CYP3A4: variants seen among roughly 807,000 people sequenced by gnomAD.
CYP3A4 encodes the protein cytochrome P450 family 3 subfamily A member 4.
In CYP3A4, 41 loss-of-function variants were observed where a neutral mutation model predicts 54.9. The observed-to-expected ratio is 0.75, with a 90% CI of 0.58 to 0.97. The LOEUF (loss-of-function observed/expected upper bound fraction) is 0.97, where lower values mean the gene tolerates loss of function less well. Ranked by LOEUF, CYP3A4 falls within the 50% of genes least tolerant of loss-of-function variation. CYP3A4 has a pLI of 0.00. For synonymous variants in CYP3A4, 179 were observed against 205.2 expected (o/e 0.87, Z 1.09); for missense variants, 510 against 597.3 (o/e 0.85, Z 1.52).
In CYP3A4 at chr7:99,784,054, C is replaced by G. The variant is rs1170926977; in HGVS notation, c.28G>C (p.Glu10Gln). ...CTGACAGCCAGGAGAAGCCAGGTTT[C>G]CATGGCCAAGTCTGGGATGAGAGCC... MALIPDLAM[E>Q]TWLLLAVSLV... is the part of the protein sequence containing the mutation. The change falls in exon 1 of 13, where the codon GAA becomes CAA. Residue 10 changes from glutamate to glutamine, a missense_variant. Around this residue, in one of 2 missense-constraint regions of CYP3A4, gnomAD observed 272 missense variants for 274.9 expected, o/e 0.99. Transcript: ENST00000651514. The G allele has an allele frequency of 6.2e-7, 1 of 1,614,064 alleles. No homozygotes were observed. The highest frequency in any genetic ancestry group is 8.5e-7 in the Non-Finnish European group (1 of 1,179,944).
chr7:99,758,586 T>G (rs182399898), intron 12 of CYP3A4, among the ~76,000 whole-genome samples: 33 of 152,316 alleles, frequency 2.2e-4, no homozygotes, highest in Admixed American at 2.0e-3. Flanking sequence ...GATTTAAATT[T>G]TAAGTAAAAT....
At chr7:99,782,908 G>T (rs905681988) in intron 1 of CYP3A4, among the ~76,000 whole-genome samples, 4 of 152,048 alleles carry the variant, frequency 2.6e-5, no homozygotes, top group Non-Finnish European at 2.9e-5. Flanking sequence ...ACATGATTCT[G>T]GAAAGGTGAG....
Position 99,780,240 on chromosome 7 carries a change from T to G in CYP3A4, c.72-155A>C, listed in dbSNP as rs562109979. Reference sequence around the variant, plus strand: ...TAACTCTGACGGCAATGATTATATTTGTTCATCAGGTCCTTTCCTGCCTCC... The same window carrying G: ...TAACTCTGACGGCAATGATTATATTGGTTCATCAGGTCCTTTCCTGCCTCC... On this transcript the variant is annotated intron_variant, in intron 1 of 12. Transcript: ENST00000651514. 5.4e-6 allele frequency: 4 copies of G among 735,052 alleles called. No individual in the cohort carries two copies. The African/African-American group carries it at 7.1e-5, about 13-fold the overall frequency. 45.5% of individuals were successfully genotyped at this position (735,052 alleles called of 1,614,324 possible).
chr7:99,768,254 GTA>G, intron 7 of CYP3A4, 98 bp downstream of exon 7: 1 of 1,288,480 alleles, frequency 7.8e-7, no homozygotes, highest in Admixed American at 2.0e-5. Flanking sequence ...TCACTGAACT[GTA>G]TATTTTAAGT....
chr7:99,783,992 A>C lies in CYP3A4; in HGVS notation c.71+19T>G. The C allele has an allele frequency of 6.2e-7, 1 of 1,612,752 alleles. No homozygotes were observed. The highest frequency in any genetic ancestry group is 8.5e-7 in the Non-Finnish European group (1 of 1,178,844). Reference sequence around the variant, plus strand: ...CAAGTCCAAGGAAACAGAGAAGAGGAGCCTGGACAGTTACTCACAGATAGA... The same window carrying C: ...CAAGTCCAAGGAAACAGAGAAGAGGCGCCTGGACAGTTACTCACAGATAGA... On this transcript the variant is annotated intron_variant, in intron 1 of 12. Transcript: ENST00000651514.
chr7:99,770,345 C>A, intron 4 of CYP3A4, 110 bp from the exon 5 acceptor site: 1 of 916,518 alleles, frequency 1.1e-6, no homozygotes, highest in South Asian at 1.4e-5. Flanking sequence ...TAGTGACTGT[C>A]TACTGGGTGA....
intron 4 of CYP3A4, among the ~76,000 whole-genome samples, chr7:99,771,146 G>C (rs563825430): frequency 1.3e-5 from 2 of 152,014 alleles, no homozygotes; most frequent in East Asian, 1.9e-4. Flanking sequence ...GAAATAAAAG[G>C]CATACAGATT....
In CYP3A4 at chr7:99,763,949, C is replaced by T. The variant is rs766060602; in HGVS notation, c.932G>A (p.Ser311Asn). 4 of 1,613,978 alleles carry T rather than the reference C, an allele frequency of 2.5e-6. No homozygotes were observed. In the East Asian group the frequency reaches 8.9e-5, roughly 36 times the overall value. The change falls in exon 10 of 13, where the codon AGC becomes AAC. Residue 311 changes from serine to asparagine, a missense_variant. Physicochemically the swap from Ser to Asn is conservative, Grantham distance 46. Coordinates refer to ENST00000651514, the MANE Select transcript of CYP3A4 (RefSeq NM_017460.6). ...IFIFAGYETT[S>N]SVLSFIMYEL... ...ATACATAATGAAGGAGAGAACACTG[C>T]TCGTGGTTTCATAGCCAGCAAAAAT...
Position 99,770,186 on chromosome 7 carries a change from T to A in CYP3A4, c.368A>T (p.Asp123Val). Residue 123 changes from aspartate (D) to valine (V), a missense_variant, in exon 5 of 13, where the codon GAT becomes GTT. Asp to Val is a radical substitution (Grantham distance 152, BLOSUM62 -3). Coordinates refer to ENST00000651514, the MANE Select transcript of CYP3A4 (RefSeq NM_017460.6). Reference sequence around the variant, plus strand: ...TGATCGTAATCTCTTCCATTCTTCATCCTCAGCTATAGAGATGGCACTTTT... The same window carrying A: ...TGATCGTAATCTCTTCCATTCTTCAACCTCAGCTATAGAGATGGCACTTTT... ...FMKSAISIAEDEEWKRLRSLL... is the reference protein window; with the variant it reads ...FMKSAISIAEVEEWKRLRSLL... 1 of 1,613,842 alleles carries A rather than the reference T, an allele frequency of 6.2e-7. No individual in the cohort carries two copies. The highest frequency in any genetic ancestry group is 8.5e-7 in the Non-Finnish European group (1 of 1,179,806).
At position 99,766,441 on chromosome 7, in the gene CYP3A4, G is replaced by A; in HGVS notation, c.801C>T (p.His267=). The A allele has an allele frequency of 6.2e-7, 1 of 1,613,568 alleles. No homozygotes were observed. The highest frequency in any genetic ancestry group is 8.5e-7 in the Non-Finnish European group (1 of 1,179,660). The change falls in exon 9 of 13, where the codon CAC becomes CAT. Residue 267 remains histidine, a splice_region_variant and synonymous_variant. Transcript: ENST00000651514. ...TCATCAGCTGAAGGAAATCCACTCG[G>A]TGCTAGAAGCAAAAAGAGAAATTTC... ...KESRLEDTQK[H]RVDFLQLMID... is the part of the protein sequence containing the mutation.
rs1815213658 is a variant in CYP3A4, at chr7:99,757,730, G to A, written c.*403C>T. On this transcript the variant is annotated 3_prime_UTR_variant, in exon 13 of 13. Transcript: ENST00000651514. ...AACATAAAACTTATAGAATACTCCAGAGAAAACATGTGATATAAATGTCAT... is the reference window on the plus strand; with the variant it reads ...AACATAAAACTTATAGAATACTCCAAAGAAAACATGTGATATAAATGTCAT... The A allele has an allele frequency of 5.5e-6, 1 of 180,846 alleles. No homozygotes were observed. The highest frequency in any genetic ancestry group is 1.2e-5 in the Non-Finnish European group (1 of 84,796). The allele number at this position is 180,846 out of a possible 1,614,324, so 11.2% of individuals were successfully genotyped here.
Position 99,758,071 on chromosome 7 carries a change from A to G in CYP3A4, c.*62T>C. ...AGAGTTCTATTCACAAAGTAATTTG[A>G]GGTCTCTGGTGTTCTCAGGCACAGA... On this transcript the variant is annotated 3_prime_UTR_variant, in exon 13 of 13. Transcript: ENST00000651514. 1 of 1,302,242 alleles carries G rather than the reference A, an allele frequency of 7.7e-7. No homozygotes were observed. The highest frequency in any genetic ancestry group is 1.1e-6 in the Non-Finnish European group (1 of 897,436). 80.7% of individuals were successfully genotyped at this position (1,302,242 alleles called of 1,614,324 possible). A position where few individuals can be genotyped will look rare whatever the true frequency, so the allele number is the denominator to read the frequency against.
chr7:99,771,765 A>G (rs535337830), intron 4 of CYP3A4, among the ~76,000 whole-genome samples: 11 of 152,344 alleles, frequency 7.2e-5, no homozygotes, highest in African/African-American at 2.6e-4. Context: ...GGAATAATAA[A>G]CACAGTGATC....
chr7:99,769,396 A>G (rs1034815389), intron 6 of CYP3A4: 11 of 269,208 alleles, frequency 4.1e-5, no homozygotes, highest in Non-Finnish European at 5.8e-5. Flanking sequence ...CTCCCAACCT[A>G]CTCACTGCCA....
intron 12 of CYP3A4, 136 bp downstream of exon 12, chr7:99,760,683 G>T: frequency 8.5e-7 from 1 of 1,178,562 alleles, no homozygotes; most frequent in Non-Finnish European, 1.2e-6. Flanking sequence ...AAAGATCACA[G>T]ATGGGCCTAA....
chr7:99,782,291 A>G (rs1251645683), intron 1 of CYP3A4, among the ~76,000 whole-genome samples: 1 of 152,206 alleles, frequency 6.6e-6, no homozygotes, highest in African/African-American at 2.4e-5. Flanking sequence ...GGCAGAGGCT[A>G]GGCTGGGCAA....
intron 4 of CYP3A4, 25 bp from the exon 5 acceptor site, chr7:99,770,260 T>C: frequency 3.2e-6 from 5 of 1,581,442 alleles, no homozygotes; most frequent in Non-Finnish European, 4.3e-6. Flanking sequence ...AGAAACATTT[T>C]GTCCTACATC....
At position 99,784,075 on chromosome 7, in the gene CYP3A4, G is replaced by C. The variant is rs188389063; in HGVS notation, c.7C>G (p.Leu3Val). Residue 3 changes from leucine (L) to valine (V), a missense_variant, in exon 1 of 13, where the codon CTC becomes GTC. Transcript: ENST00000651514. MA[L>V]IPDLAMETWL... Reference sequence around the variant, plus strand: ...GTTTCCATGGCCAAGTCTGGGATGAGAGCCATCACTACTTTCCTTACTTAT... The same window carrying C: ...GTTTCCATGGCCAAGTCTGGGATGACAGCCATCACTACTTTCCTTACTTAT... The C allele has an allele frequency of 1.8e-5, 29 of 1,613,802 alleles. No homozygotes were observed. Among genetic ancestry groups the C allele is most frequent in the South Asian group, 2.2e-5 (2 of 91,082 alleles).
At chr7:99,781,453 A>T (rs549206322) in intron 1 of CYP3A4, among the ~76,000 whole-genome samples, 8 of 152,304 alleles carry the variant, frequency 5.3e-5, no homozygotes, top group African/African-American at 1.7e-4. Context: ...AGGAAAACCC[A>T]TTAAGGCTGG....
Sources: gnomAD v4.1 joint callset for allele counts (sites outside exome capture counted in the v4.1 genomes callset) on GRCh38, gnomAD v4.1.1 for gene constraint, gnomAD v4.1.1 regional missense constraint, MANE v1.5 for transcripts, NCBI Gene and HGNC (gene_info 2026-07-23, HGNC 2026-07-21) for gene names.